The following PRKG1 variants were observed in gnomAD, a reference collection of about 807,000 sequenced individuals.
The protein encoded by PRKG1 is cGMP-dependent protein kinase 1.
Under a neutral mutation model 88.1 loss-of-function variants are expected in PRKG1, and 35 were observed. The observed-to-expected ratio is 0.40, with a 90% CI of 0.30 to 0.53. PRKG1 has a LOEUF of 0.53. Among genes scored for constraint, PRKG1 ranks in the 20% least tolerant of loss-of-function variants. The probability of loss-of-function intolerance (pLI) is 0.59; values close to 1 mark genes in which losing one functional copy is unlikely to be tolerated. For missense variants in PRKG1, 540 were observed against 839.8 expected (o/e 0.64, Z 4.41); for synonymous variants, 303 against 292.5 (o/e 1.04, Z -0.37).
intron 9 of PRKG1, among the ~76,000 whole-genome samples, chr10:52,232,883 G>T (rs1409735592): frequency 6.6e-6 from 1 of 152,134 alleles, no homozygotes; most frequent in East Asian, 1.9e-4. Flanking sequence ...TTCTGTCCCT[G>T]TGAATCTGCA....
chr10:51,824,254 T>A (rs1006944928), intron 4 of PRKG1, among the ~76,000 whole-genome samples: 1 of 152,190 alleles, frequency 6.6e-6, no homozygotes, highest in South Asian at 2.1e-4. Context: ...TGCCTCTTGA[T>A]GAATGTGAAT....
Position 51,816,536 on chromosome 10 carries a change from C to CGTGTGTGTGTGTGT in PRKG1, c.698+11846_698+11847insGTGTGTGTGTGTGT, listed in dbSNP as rs769022267. 6.6e-3 allele frequency among the ~76,000 whole-genome samples: 651 copies of CGTGTGTGTGTGTGT among 98,448 alleles called. 12 individuals are homozygous for CGTGTGTGTGTGTGT. The highest frequency in any genetic ancestry group is 0.018 in the African/African-American group (612 of 33,512). 64.6% of individuals were successfully genotyped at this position (98,448 alleles called of 152,430 possible). ...AAAAGTTCCTAACATATAATTTTGG[C>CGTGTGTGTGTGTGT]ATGTGTGTGTGTGTGTGTGTGTGTG... is the stretch of plus-strand genomic sequence containing the variant. On this transcript the variant is annotated intron_variant, in intron 4 of 17. Coordinates refer to ENST00000373980, the MANE Select transcript of PRKG1 (RefSeq NM_006258.4).
chr10:51,627,968 TTC>T (rs140669395), intron 3 of PRKG1, among the ~76,000 whole-genome samples: 16,916 of 48,986 alleles, frequency 0.35, 2,524 homozygotes, highest in Admixed American at 0.39. Context: ...CTTTCTTTCT[TTC>T]TCTTTCTTTC....
intron 2 of PRKG1, among the ~76,000 whole-genome samples, chr10:51,304,213 T>C (rs1840972242): frequency 6.6e-6 from 1 of 152,086 alleles, no homozygotes; most frequent in South Asian, 2.1e-4. Context: ...AATACACTAA[T>C]AAAAATAAAT....
chr10:52,281,015 T>C, intron 13 of PRKG1, 85 bp downstream of exon 13: 1 of 1,442,228 alleles, frequency 6.9e-7, no homozygotes, highest in Non-Finnish European at 9.4e-7. Flanking sequence ...ATATGAAATC[T>C]GAGTTTTCCT....
At chr10:51,823,407 G>C (rs1366064781) in intron 4 of PRKG1, among the ~76,000 whole-genome samples, 1 of 151,992 alleles carries the variant, frequency 6.6e-6, no homozygotes, top group African/African-American at 2.4e-5. Context: ...GAATTACTTT[G>C]AAATGCAAAG....
chr10:51,159,634 T>A (rs907431141), intron 2 of PRKG1, among the ~76,000 whole-genome samples: 14 of 152,154 alleles, frequency 9.2e-5, no homozygotes, highest in Non-Finnish European at 1.8e-4. Context: ...GGAAGGGATG[T>A]GAAATATTTA....
At chr10:51,145,350 T>C (rs1038750961) in intron 1 of PRKG1, among the ~76,000 whole-genome samples, 3 of 152,116 alleles carry the variant, frequency 2.0e-5, no homozygotes, top group Non-Finnish European at 4.4e-5. Flanking sequence ...TATCTGACAT[T>C]TTTTTTCTCA....
At chr10:51,909,560 G>T (rs979784880) in intron 5 of PRKG1, 1 of 151,870 alleles carries the variant, frequency 6.6e-6, no homozygotes, top group Non-Finnish European at 1.5e-5. Flanking sequence ...TTGGATATAC[G>T]TGAACAGTGG....
Position 51,109,852 on chromosome 10 carries a change from G to A in PRKG1, c.311+34951G>A, listed in dbSNP as rs111702764. On this transcript the variant is annotated intron_variant, in intron 1 of 17. Coordinates refer to ENST00000373980, the MANE Select transcript of PRKG1 (RefSeq NM_006258.4). ...TTTGGAAATAAAGTATCTGATGAAG[G>A]ATTTATATCCAAAATATGAAAAGAA... Among the ~76,000 whole-genome samples the A allele has an allele frequency of 4.5e-3, 691 of 152,104 alleles. 5 individuals are homozygous for A. Among genetic ancestry groups the A allele is most frequent in the African/African-American group, 0.016 (653 of 41,518 alleles).
intron 1 of PRKG1, among the ~76,000 whole-genome samples, chr10:51,122,818 A>G (rs576394408): frequency 6.0e-4 from 92 of 152,294 alleles, no homozygotes; most frequent in Admixed American, 1.4e-3. Context: ...TGTGCATACT[A>G]CAAAATAGAC....
At chr10:51,902,534 A>C (rs533922451) in intron 4 of PRKG1, among the ~76,000 whole-genome samples, 11 of 152,228 alleles carry the variant, frequency 7.2e-5, no homozygotes, top group Non-Finnish European at 1.2e-4. Context: ...TTGAAAAATA[A>C]GGTATCCAAA....
At chr10:51,755,356 C>T (rs1427416081) in intron 3 of PRKG1, among the ~76,000 whole-genome samples, 1 of 152,132 alleles carries the variant, frequency 6.6e-6, no homozygotes, top group East Asian at 1.9e-4. Flanking sequence ...CATAACAATG[C>T]AGAGAGGGGG....
chr10:51,504,175 G>T (rs1564525840), intron 3 of PRKG1, among the ~76,000 whole-genome samples: 1 of 152,042 alleles, frequency 6.6e-6, no homozygotes, highest in Non-Finnish European at 1.5e-5. Context: ...TTCTTATTTT[G>T]CTGCCTAGAT....
intron 3 of PRKG1, among the ~76,000 whole-genome samples, chr10:51,533,311 G>A (rs1185830149): frequency 6.6e-6 from 1 of 152,088 alleles, no homozygotes; most frequent in Admixed American, 6.5e-5. Context: ...ATCTGTTATA[G>A]CCACAGAAGA....
chr10:52,206,855 T>A (rs925300080), intron 9 of PRKG1, among the ~76,000 whole-genome samples: 1 of 152,148 alleles, frequency 6.6e-6, no homozygotes, highest in African/African-American at 2.4e-5. Flanking sequence ...CCAAAGTGCT[T>A]CATCAGAACA....
intron 2 of PRKG1, among the ~76,000 whole-genome samples, chr10:51,439,000 G>T (rs1839015687): frequency 7.3e-6 from 1 of 137,102 alleles, no homozygotes; most frequent in Non-Finnish European, 1.7e-5. Context: ...AACTAATTGG[G>T]ATTTTTTTTT....
intron 3 of PRKG1, among the ~76,000 whole-genome samples, chr10:51,601,246 T>C (rs149876900): frequency 2.4e-3 from 372 of 152,242 alleles, no homozygotes; most frequent in African/African-American, 8.4e-3. Context: ...CATATATTTA[T>C]TGAATGAATG....
At chr10:51,603,663 C>T (rs7069394) in intron 3 of PRKG1, among the ~76,000 whole-genome samples, 3,366 of 152,262 alleles carry the variant, frequency 0.022, 53 homozygotes, top group Non-Finnish European at 0.03. Flanking sequence ...TACTGGAGAT[C>T]TTGGGGTACA....
Sources: gnomAD v4.1 joint callset for allele counts (sites outside exome capture counted in the v4.1 genomes callset) on GRCh38, gnomAD v4.1.1 for gene constraint, MANE v1.5 for transcripts, NCBI Gene and HGNC (gene_info 2026-07-23, HGNC 2026-07-21) for gene names.